The following MTUS1 variants were observed in gnomAD, a reference collection of about 807,000 sequenced individuals.
The protein encoded by MTUS1 is microtubule associated scaffold protein 1.
A neutral mutation model predicts 120.8 loss-of-function variants in MTUS1; 109 were observed. The ratio of observed to expected loss-of-function variants is 0.90; its 90% CI spans 0.77 to 1.06. The LOEUF (loss-of-function observed/expected upper bound fraction) is 1.06, where lower values mean the gene tolerates loss of function less well. Ranked by LOEUF, MTUS1 falls within the 50% of genes least tolerant of loss-of-function variation. The pLI, the probability that MTUS1 is intolerant of heterozygous loss-of-function variation, is 0.00. For synonymous variants in MTUS1, 737 were observed against 550.5 expected (o/e 1.34, Z -4.74); for missense variants, 2,210 against 1,486.3 (o/e 1.49, Z -8.01).
intron 14 of MTUS1, 53 bp from the exon 15 acceptor site, chr8:17,646,192 T>G: frequency 2.1e-6 from 3 of 1,450,480 alleles, no homozygotes; most frequent in Non-Finnish European, 2.8e-6. Flanking sequence ...AAAAAAAACT[T>G]GAAAAATTTT....
At chr8:17,696,324 C>T (rs2130872982) in intron 6 of MTUS1, among the ~76,000 whole-genome samples, 1 of 152,084 alleles carries the variant, frequency 6.6e-6, no homozygotes, top group Non-Finnish European at 1.5e-5. Flanking sequence ...TAAAAATAGT[C>T]AGCTGAAAAC....
rs1029418625 is a variant in MTUS1, at chr8:17,697,483, G to A, written c.2624-12941C>T. 4.8e-6 allele frequency: 7 copies of A among 1,471,940 alleles called. No individual in the cohort carries two copies. The African/African-American group carries it at 7.0e-5, about 15-fold the overall frequency. 91.2% of individuals were successfully genotyped at this position (1,471,940 alleles called of 1,614,324 possible). A position where few individuals can be genotyped will look rare whatever the true frequency, so the allele number is the denominator to read the frequency against. On this transcript the variant is annotated intron_variant, in intron 6 of 14. Transcript: ENST00000693296. ...TCTTCAAGGCCAAGAAATACAGTCA[G>A]AGGAAAGATGCCTACACAGCAAATG...
At chr8:17,743,918 G>C (rs2047533563) in intron 2 of MTUS1, 119 bp from the exon 3 acceptor site, 5 of 775,946 alleles carry the variant, frequency 6.4e-6, no homozygotes, top group South Asian at 1.9e-5. Flanking sequence ...AACAAGTTCA[G>C]GCCATGATGG....
chr8:17,713,944 T>A (rs891035061), intron 5 of MTUS1, among the ~76,000 whole-genome samples: 1 of 152,208 alleles, frequency 6.6e-6, no homozygotes, highest in African/African-American at 2.4e-5. Context: ...TGTTGCGACA[T>A]AACCTATCCA....
rs944075355 is a variant in MTUS1 at position 17,644,797 on chromosome 8, G to C, written c.*1129C>G. ...TTTGTAATATCAAATCCAGGCTTTA[G>C]TTTATTTGGAAAGTGGTTTCAGCAC... On this transcript the variant is annotated 3_prime_UTR_variant, in exon 15 of 15. Coordinates refer to ENST00000693296, the MANE Select transcript of MTUS1 (RefSeq NM_001363059.2). 1.3e-5 allele frequency: 2 copies of C among 152,162 alleles called. No homozygotes were observed. Among genetic ancestry groups the C allele is most frequent in the Non-Finnish European group, 2.9e-5 (2 of 68,030 alleles). The allele number at this position is 152,162 out of a possible 1,614,324, so 9.4% of individuals were successfully genotyped here.
intron 1 of MTUS1, among the ~76,000 whole-genome samples, chr8:17,756,671 A>AACC (rs2048636698): frequency 8.5e-6 from 1 of 117,538 alleles, no homozygotes. Context: ...TCAAGCCCAA[A>AACC]CCCCCACCCC....
chr8:17,733,235 C>T (rs2046710576), intron 3 of MTUS1, among the ~76,000 whole-genome samples: 1 of 151,994 alleles, frequency 6.6e-6, no homozygotes, highest in South Asian at 2.1e-4. Context: ...CCTACAATCT[C>T]AGCTACTCGG....
At chr8:17,666,232 AAGTG>A (rs1343553607) in intron 8 of MTUS1, among the ~76,000 whole-genome samples, 3 of 151,716 alleles carry the variant, frequency 2.0e-5, no homozygotes, top group Non-Finnish European at 4.4e-5. Context: ...GCCTGAGAAA[AAGTG>A]AGGCTGACTT....
chr8:17,722,197 C>T (rs1163004770), intron 4 of MTUS1: 1 of 1,037,032 alleles, frequency 9.6e-7, no homozygotes, highest in Non-Finnish European at 1.2e-6. Context: ...TTTACAGCCT[C>T]CTTAGGAGCA....
chr8:17,671,294 A>G (rs1468396114), intron 8 of MTUS1, among the ~76,000 whole-genome samples: 1 of 152,146 alleles, frequency 6.6e-6, no homozygotes, highest in Non-Finnish European at 1.5e-5. Context: ...AAAAACTTTA[A>G]AACTTAAAAT....
Position 17,684,443 on chromosome 8 carries a change from T to A in MTUS1, c.2723A>T (p.Tyr908Phe), listed in dbSNP as rs192325056. The A allele has an allele frequency of 6.2e-7, 1 of 1,614,086 alleles. No homozygotes were observed. The highest frequency in any genetic ancestry group is 8.5e-7 in the Non-Finnish European group (1 of 1,180,022). ...PPEKTLELTQ[Y>F]KTKCENQSGF... ...ACTTTGGTTTTCACATTTTGTTTTA[T>A]ATTGCGTCAATTCAAGTGTTTTCTC... Residue 908 changes from tyrosine to phenylalanine, a missense_variant, in exon 7 of 15, where the codon TAT (tyrosine) becomes TTT (phenylalanine). Transcript: ENST00000693296.
chr8:17,680,996 C>T lies in MTUS1; in HGVS notation c.2838+3332G>A, dbSNP rs185443168. On this transcript the variant is annotated intron_variant, in intron 7 of 14. Coordinates refer to ENST00000693296, the MANE Select transcript of MTUS1 (RefSeq NM_001363059.2). ...TTGCCCAGGATGGAGTGTAGTGGTG[C>T]GATCTTGGCTCACTGCCACCTCCAC... 4.1e-4 allele frequency among the ~76,000 whole-genome samples: 62 copies of T among 151,772 alleles called. 1 individual carries two copies. Among genetic ancestry groups the T allele is most frequent in the Non-Finnish European group, 5.6e-4 (38 of 67,942 alleles).
At chr8:17,698,971 A>AAC (rs1818502207) in intron 6 of MTUS1, among the ~76,000 whole-genome samples, 2 of 152,296 alleles carry the variant, frequency 1.3e-5, no homozygotes, top group African/African-American at 4.8e-5. Context: ...AAAAAACCTG[A>AAC]ACACCTTTTC....
At chr8:17,655,275 A>G (rs1372122618) in intron 9 of MTUS1, among the ~76,000 whole-genome samples, 2 of 141,758 alleles carry the variant, frequency 1.4e-5, no homozygotes, top group Admixed American at 7.4e-5. Flanking sequence ...GGATATTTAA[A>G]CAGATGCCAC....
intron 6 of MTUS1, among the ~76,000 whole-genome samples, chr8:17,707,465 G>A (rs1820403827): frequency 1.3e-5 from 2 of 151,930 alleles, no homozygotes; most frequent in Non-Finnish European, 1.5e-5. Flanking sequence ...TTATGGTTTC[G>A]GGAAAATACA....
intron 6 of MTUS1, among the ~76,000 whole-genome samples, chr8:17,690,277 G>A (rs1463040605): frequency 3.3e-5 from 5 of 152,188 alleles, no homozygotes; most frequent in African/African-American, 2.4e-5. Context: ...TAGAACATAC[G>A]AAAAAATGCT....
At chr8:17,749,352 C>A (rs888175130) in intron 2 of MTUS1, among the ~76,000 whole-genome samples, 1 of 152,072 alleles carries the variant, frequency 6.6e-6, no homozygotes, top group Non-Finnish European at 1.5e-5. Context: ...ACTCTTTGAA[C>A]CAACTGCCAA....
intron 13 of MTUS1, among the ~76,000 whole-genome samples, chr8:17,647,974 G>C (rs1312196213): frequency 6.6e-6 from 1 of 152,152 alleles, no homozygotes; most frequent in African/African-American, 2.4e-5. Flanking sequence ...AGCAGCTCAG[G>C]ACAACCTGTT....
At chr8:17,670,120 G>C (rs1811714414) in intron 8 of MTUS1, among the ~76,000 whole-genome samples, 1 of 152,216 alleles carries the variant, frequency 6.6e-6, no homozygotes, top group African/African-American at 2.4e-5. Flanking sequence ...GTTAGCTTGG[G>C]TGGTAAGTGA....
Sources: gnomAD v4.1 joint callset for allele counts (sites outside exome capture counted in the v4.1 genomes callset) on GRCh38, gnomAD v4.1.1 for gene constraint, MANE v1.5 for transcripts, NCBI Gene and HGNC (gene_info 2026-07-23, HGNC 2026-07-21) for gene names.